The following STXBP5L variants were observed in gnomAD, a reference collection of about 807,000 sequenced individuals.
STXBP5L encodes the protein syntaxin-binding protein 5-like.
In STXBP5L, 65 loss-of-function variants were observed where a neutral mutation model predicts 144.5. The ratio of observed to expected loss-of-function variants is 0.45; its 90% CI spans 0.37 to 0.55. The LOEUF is 0.55. Ranked by LOEUF, STXBP5L falls within the 20% of genes least tolerant of loss-of-function variation. The probability of loss-of-function intolerance (pLI) is 0.00; values close to 1 mark genes in which losing one functional copy is unlikely to be tolerated. For synonymous variants in STXBP5L, 505 were observed against 469.6 expected, an observed-to-expected ratio of 1.08 and a Z score of -0.97; for missense variants, 1,298 against 1,405.5, an observed-to-expected ratio of 0.92 and a Z score of 1.22.
intron 22 of STXBP5L, among the ~76,000 whole-genome samples, chr3:121,402,609 A>T (rs1019896276): frequency 1.3e-5 from 2 of 152,126 alleles, no homozygotes; most frequent in Admixed American, 6.6e-5. Flanking sequence ...ATTCAACTCT[A>T]CCTATCCTAT....
At chr3:121,031,362 A>G (rs2107507565) in intron 3 of STXBP5L, among the ~76,000 whole-genome samples, 1 of 150,920 alleles carries the variant, frequency 6.6e-6, no homozygotes, top group Non-Finnish European at 1.5e-5. Flanking sequence ...GTATATGTAT[A>G]TATCTATGTA....
At position 120,955,003 on chromosome 3, in the gene STXBP5L, T is replaced by G; in HGVS notation, c.253T>G (p.Leu85Val). The change falls in exon 3 of 27, where the codon TTG becomes GTG. Residue 85 changes from leucine to valine, a missense_variant. Transcript: ENST00000471454. ...AGCCTTTGATCCAGTTCAGAAAATC[T>G]TGGCTATTGGGACGAGAACAGGTGC... The part of the protein sequence containing the change: ...ALAFDPVQKI[L>V]AIGTRTGAIR... 2 of 1,612,702 alleles carry G rather than the reference T, an allele frequency of 1.2e-6. No individual in the cohort carries two copies. The highest frequency in any genetic ancestry group is 2.2e-5 in the East Asian group (1 of 44,802).
At chr3:121,158,544 G>A (rs1173905622) in intron 9 of STXBP5L, 1 of 152,070 alleles carries the variant, frequency 6.6e-6, no homozygotes, top group Non-Finnish European at 1.5e-5. Flanking sequence ...ATTCTTCCAG[G>A]ATGTAAATGT....
intron 9 of STXBP5L, among the ~76,000 whole-genome samples, chr3:121,159,254 C>A (rs1318732357): frequency 6.6e-6 from 1 of 151,698 alleles, no homozygotes; most frequent in Non-Finnish European, 1.5e-5. Flanking sequence ...TTCTATAATT[C>A]CTATTATAAT....
intron 19 of STXBP5L, among the ~76,000 whole-genome samples, chr3:121,289,129 A>G (rs995537580): frequency 6.6e-6 from 1 of 152,180 alleles, no homozygotes; most frequent in Non-Finnish European, 1.5e-5. Flanking sequence ...ACACATAAGG[A>G]CTCACATAAA....
intron 2 of STXBP5L, among the ~76,000 whole-genome samples, chr3:120,950,502 C>T (rs1711144981): frequency 6.6e-6 from 1 of 151,948 alleles, no homozygotes; most frequent in Non-Finnish European, 1.5e-5. Flanking sequence ...TTATGAGTCT[C>T]TTGGATATCT....
chr3:120,942,219 A>G (rs1289709026), intron 2 of STXBP5L, among the ~76,000 whole-genome samples: 3 of 151,754 alleles, frequency 2.0e-5, no homozygotes, highest in African/African-American at 7.2e-5. Context: ...ATTGTTCTTG[A>G]GATATATAAA....
At chr3:121,411,148 A>G (rs2047106390) in intron 23 of STXBP5L, among the ~76,000 whole-genome samples, 1 of 152,134 alleles carries the variant, frequency 6.6e-6, no homozygotes, top group Admixed American at 6.6e-5. Flanking sequence ...TTTTGAATCC[A>G]GTGTGTAATT....
At chr3:121,234,798 G>T (rs1037987853) in intron 12 of STXBP5L, among the ~76,000 whole-genome samples, 1 of 151,808 alleles carries the variant, frequency 6.6e-6, no homozygotes, top group Admixed American at 6.6e-5. Context: ...CACTTTTTGG[G>T]TAGATGTAAG....
intron 9 of STXBP5L, among the ~76,000 whole-genome samples, chr3:121,186,294 C>T (rs2047378917): frequency 1.3e-5 from 2 of 152,182 alleles, no homozygotes; most frequent in Non-Finnish European, 2.9e-5. Context: ...TTATTTCCTT[C>T]TCCTGCCTGA....
rs756883304 is a variant in STXBP5L at position 121,279,811 on chromosome 3, A to T, written c.1965A>T (p.Ala655=). 1 of 1,611,880 alleles carries T rather than the reference A, an allele frequency of 6.2e-7. No individual in the cohort carries two copies. The highest frequency in any genetic ancestry group is 8.5e-7 in the Non-Finnish European group (1 of 1,178,544). Residue 655 remains alanine (A), a synonymous_variant, in exon 19 of 27, where the codon GCA becomes GCT. Transcript: ENST00000471454. ...TATTTTTTTTCTCTCTTAGAGTTGC[A>T]TTTGGGAACTGCAATGGGTTGGCTG... The part of the protein sequence containing the change: ...LAVSSAYGIV[A]FGNCNGLAVV...
intron 2 of STXBP5L, among the ~76,000 whole-genome samples, chr3:120,948,364 A>T (rs1710987873): frequency 6.6e-6 from 1 of 151,702 alleles, no homozygotes; most frequent in African/African-American, 2.4e-5. Context: ...TCTTTTTCAG[A>T]TATTTGATTT....
intron 2 of STXBP5L, among the ~76,000 whole-genome samples, chr3:120,925,449 G>T (rs546660579): frequency 1.3e-5 from 2 of 152,162 alleles, no homozygotes; most frequent in South Asian, 4.2e-4. Flanking sequence ...TTGATTTGTA[G>T]TGTATTTCAT....
intron 7 of STXBP5L, among the ~76,000 whole-genome samples, chr3:121,140,318 A>G (rs2107936345): frequency 6.6e-6 from 1 of 152,258 alleles, no homozygotes; most frequent in East Asian, 1.9e-4. Flanking sequence ...CCATTGTAGA[A>G]AATAGTATGG....
At position 121,253,254 on chromosome 3, in the gene STXBP5L, C is replaced by CA. The variant is rs1211737241; in HGVS notation, c.1442-1628dup. Among the ~76,000 whole-genome samples, 365 of 133,458 alleles carry CA rather than the reference C, an allele frequency of 2.7e-3. 1 individual carries two copies. Among genetic ancestry groups the CA allele is most frequent in the Middle Eastern group, 7.2e-3 (2 of 278 alleles). The allele number at this position is 133,458 out of a possible 152,430, so 87.6% of individuals were successfully genotyped here. A position where few individuals can be genotyped will look rare whatever the true frequency, so the allele number is the denominator to read the frequency against. ...TAATTTCAAGCTTACAAAAACATTG[C>CA]AAAAAAAAAAAAAGTACTATGAAAT... On this transcript the variant is annotated intron_variant, in intron 15 of 26. Coordinates refer to ENST00000471454, the MANE Select transcript of STXBP5L (RefSeq NM_001308330.2).
intron 5 of STXBP5L, among the ~76,000 whole-genome samples, chr3:121,072,441 A>G (rs2041846983): frequency 6.6e-6 from 1 of 152,236 alleles, no homozygotes; most frequent in South Asian, 2.1e-4. Flanking sequence ...GTCGTCCTAT[A>G]AGAGTTTCTA....
intron 20 of STXBP5L, among the ~76,000 whole-genome samples, chr3:121,352,499 T>C (rs1007114480): frequency 2.0e-5 from 3 of 152,114 alleles, no homozygotes; most frequent in Admixed American, 1.3e-4. Context: ...GTTATTGCTG[T>C]ATAGGAATGA....
At chr3:121,311,917 G>A (rs1176286683) in intron 19 of STXBP5L, among the ~76,000 whole-genome samples, 1 of 152,292 alleles carries the variant, frequency 6.6e-6, no homozygotes, top group African/African-American at 2.4e-5. Flanking sequence ...AAAGCTGGAG[G>A]CATCAAGCTA....
intron 20 of STXBP5L, among the ~76,000 whole-genome samples, chr3:121,343,406 G>A (rs554197549): frequency 6.6e-6 from 1 of 152,202 alleles, no homozygotes; most frequent in Non-Finnish European, 1.5e-5. Flanking sequence ...AGGGCAATTA[G>A]GCAGGAGAAG....
Sources: gnomAD v4.1 joint callset for allele counts (sites outside exome capture counted in the v4.1 genomes callset) on GRCh38, gnomAD v4.1.1 for gene constraint, MANE v1.5 for transcripts, NCBI Gene and HGNC (gene_info 2026-07-23, HGNC 2026-07-21) for gene names.